PML: variants seen among roughly 807,000 people sequenced by gnomAD.
PML encodes protein PML.
PML carries 28 observed loss-of-function variants against 65.2 expected under a neutral mutation model. That is an observed-to-expected ratio of 0.43 (90% CI 0.32 to 0.59). The LOEUF (loss-of-function observed/expected upper bound fraction) is 0.59. Ranked by LOEUF, PML falls within the 20% of genes least tolerant of loss-of-function variation. The pLI, the probability that PML is intolerant of heterozygous loss-of-function variation, is 0.08. For synonymous variants in PML, 500 were observed against 508.8 expected (o/e 0.98, Z 0.23); for missense variants, 1,021 against 1,203.4 (o/e 0.85, Z 2.24).
At chr15:74,017,289 C>T (rs542034299) in intron 2 of PML, among the ~76,000 whole-genome samples, 3 of 152,188 alleles carry the variant, frequency 2.0e-5, no homozygotes, top group Admixed American at 6.5e-5. Flanking sequence ...ATTCCTGCCC[C>T]CTACCCTCCT....
intron 7 of PML, among the ~76,000 whole-genome samples, chr15:74,041,174 G>A (rs557643997): frequency 6.6e-6 from 1 of 152,362 alleles, no homozygotes; most frequent in African/African-American, 2.4e-5. Context: ...ATGTCAGTGG[G>A]TGGCAGCATG....
chr15:74,029,048 T>C (rs2141855172), intron 4 of PML, among the ~76,000 whole-genome samples: 1 of 152,366 alleles, frequency 6.6e-6, no homozygotes, highest in East Asian at 1.9e-4. Context: ...ATGGTAATTC[T>C]ATTTTTAATT....
At position 74,031,381 on chromosome 15, in the gene PML, C is replaced by T. The variant is rs149720734; in HGVS notation, c.1255-1191C>T. 5 of 325,648 alleles carry T rather than the reference C, an allele frequency of 1.5e-5. No homozygotes were observed. In the East Asian group the frequency reaches 4.0e-4, roughly 26 times the overall value. 20.2% of individuals were successfully genotyped at this position (325,648 alleles called of 1,614,324 possible). A position where few individuals can be genotyped will look rare whatever the true frequency, so the allele number is the denominator to read the frequency against. On this transcript the variant is annotated intron_variant, in intron 4 of 8. Coordinates refer to ENST00000268058, the MANE Select transcript of PML (RefSeq NM_033238.3). ...TGTCTGCCTCAGGGCTCAAGCGATTCTCATGCCTCAGCCTCCCAAGTAGCT... is the reference window on the plus strand; with the variant it reads ...TGTCTGCCTCAGGGCTCAAGCGATTTTCATGCCTCAGCCTCCCAAGTAGCT...
Position 74,047,063 on chromosome 15 carries a change from C to T in PML, c.*2055C>T, listed in dbSNP as rs370833832. 20 of 229,968 alleles carry T rather than the reference C, an allele frequency of 8.7e-5. No homozygotes were observed. The highest frequency in any genetic ancestry group is 5.6e-4 in the East Asian group (9 of 16,162). 14.2% of individuals were successfully genotyped at this position (229,968 alleles called of 1,614,324 possible). On this transcript the variant is annotated 3_prime_UTR_variant, in exon 9 of 9. Transcript: ENST00000268058. ...GTGCCATGTGGCAGGAAAGAAGCACCGATTTCAAGAATTACTTCCTAGAGA... is the reference window on the plus strand; with the variant it reads ...GTGCCATGTGGCAGGAAAGAAGCACTGATTTCAAGAATTACTTCCTAGAGA...
At chr15:73,995,412 C>T (rs1428325906) in intron 1 of PML, among the ~76,000 whole-genome samples, 1 of 152,240 alleles carries the variant, frequency 6.6e-6, no homozygotes, top group African/African-American at 2.4e-5. Context: ...GAAGAGGTAT[C>T]TTTGCCAAGG....
intron 2 of PML, among the ~76,000 whole-genome samples, chr15:74,009,398 C>A (rs1000684510): frequency 2.6e-5 from 4 of 152,158 alleles, no homozygotes; most frequent in Non-Finnish European, 4.4e-5. Flanking sequence ...ATTGGGATTG[C>A]TTCCTGGCCT....
At chr15:74,009,238 C>T (rs1303286678) in intron 2 of PML, among the ~76,000 whole-genome samples, 1 of 152,152 alleles carries the variant, frequency 6.6e-6, no homozygotes, top group Admixed American at 6.5e-5. Flanking sequence ...GCTGAAAGAG[C>T]TTGAATTATC....
At chr15:74,002,615 T>TG (rs2069830012) in intron 2 of PML, among the ~76,000 whole-genome samples, 1 of 149,986 alleles carries the variant, frequency 6.7e-6, no homozygotes, top group Admixed American at 6.6e-5. Context: ...GGCTAAGTTT[T>TG]TTTTTTTTTT....
intron 7 of PML, chr15:74,036,339 G>T (rs1388211657): frequency 7.1e-7 from 1 of 1,416,322 alleles, no homozygotes; most frequent in East Asian, 2.6e-5. Flanking sequence ...CACAGGGACT[G>T]GCTATCCCAA....
intron 2 of PML, among the ~76,000 whole-genome samples, chr15:74,003,152 G>T (rs904097468): frequency 2.6e-5 from 4 of 151,098 alleles, no homozygotes; most frequent in African/African-American, 9.7e-5. Context: ...AAAAAAAGTG[G>T]GCCAGGCGCA....
intron 7 of PML, among the ~76,000 whole-genome samples, chr15:74,040,940 A>G (rs1245379592): frequency 7.9e-5 from 12 of 152,352 alleles, no homozygotes; most frequent in African/African-American, 2.9e-4. Context: ...AGTGGCTGCC[A>G]TAAATGACCC....
rs767832272 is a variant in PML at position 74,043,775 on chromosome 15, G to T, written c.1862-446G>T. On this transcript the variant is annotated intron_variant, in intron 8 of 8. Coordinates refer to ENST00000268058, the MANE Select transcript of PML (RefSeq NM_033238.3). This position sits in a 1 kb window ranked among gnomAD's most constrained non-coding sequence, Gnocchi z 4.3. Reference sequence around the variant, plus strand: ...TGCAGACCTCAGTGGGAGGCTCTTGGCCTTGCTCTGAGTGGAGTGCTTTCT... The same window carrying T: ...TGCAGACCTCAGTGGGAGGCTCTTGTCCTTGCTCTGAGTGGAGTGCTTTCT... 1.9e-6 allele frequency: 1 copy of T among 532,698 alleles called. No individual in the cohort carries two copies. Among genetic ancestry groups the T allele is most frequent in the Non-Finnish European group, 3.7e-6 (1 of 269,304 alleles). 33.0% of individuals were successfully genotyped at this position (532,698 alleles called of 1,614,324 possible). A position where few individuals can be genotyped will look rare whatever the true frequency, so the allele number is the denominator to read the frequency against.
intron 7 of PML, among the ~76,000 whole-genome samples, chr15:74,040,714 TTTA>T (rs2071677348): frequency 6.6e-6 from 1 of 152,198 alleles, no homozygotes; most frequent in Non-Finnish European, 1.5e-5. Flanking sequence ...GTGGCCATAC[TTTA>T]TGGAAGTCCC....
intron 7 of PML, chr15:74,036,167 G>A: frequency 6.2e-7 from 1 of 1,602,880 alleles, no homozygotes; most frequent in Non-Finnish European, 8.5e-7. Context: ...GCATGGCTGA[G>A]ATTCAAGCCA....
chr15:74,001,874 C>T (rs2069777755), intron 2 of PML, among the ~76,000 whole-genome samples: 1 of 151,936 alleles, frequency 6.6e-6, no homozygotes, highest in Non-Finnish European at 1.5e-5. Flanking sequence ...GTCGGTGGTA[C>T]ATGCTTGTAG....
intron 7 of PML, among the ~76,000 whole-genome samples, chr15:74,040,414 A>G (rs1035042192): frequency 6.6e-6 from 1 of 151,876 alleles, no homozygotes; most frequent in African/African-American, 2.4e-5. Flanking sequence ...TTTTCCAGTG[A>G]CTGTCCCTCT....
At position 73,998,225 on chromosome 15, in the gene PML, G is replaced by A. The variant is rs755039717; in HGVS notation, c.351G>A (p.Ser117=). ...TCGAGAGTCTGCAGCGGCGCCTGTC[G>A]GTGTACCGGCAGATTGTGGATGCGC... ...VFFESLQRRL[S]VYRQIVDAQA... The change falls in exon 2 of 9, where the codon TCG becomes TCA. Residue 117 remains serine (S), a synonymous_variant. Coordinates refer to ENST00000268058, the MANE Select transcript of PML (RefSeq NM_033238.3). The A allele has an allele frequency of 4.3e-6, 7 of 1,614,194 alleles. No homozygotes were observed. Among genetic ancestry groups the A allele is most frequent in the Non-Finnish European group, 5.9e-6 (7 of 1,180,024 alleles).
rs1268130515 is a variant in PML, at chr15:74,046,627, A to T, written c.*1619A>T. ...CGCTGGTTCTGAAGCACCGATGGAA[A>T]CAGATTGATGCAGATGGAAGGAGGA... On this transcript the variant is annotated 3_prime_UTR_variant, in exon 9 of 9. Transcript: ENST00000268058. 8.6e-6 allele frequency: 2 copies of T among 232,768 alleles called. No homozygotes were observed. Among genetic ancestry groups the T allele is most frequent in the African/African-American group, 2.2e-5 (1 of 45,334 alleles). The allele number at this position is 232,768 out of a possible 1,614,324, so 14.4% of individuals were successfully genotyped here.
At position 74,037,805 on chromosome 15, in the gene PML, C is replaced by T; in HGVS notation, c.1710+3275C>T. On this transcript the variant is annotated intron_variant, in intron 7 of 8. Transcript: ENST00000268058. The surrounding 1 kb of genome is among the most constrained non-coding windows in gnomAD (Gnocchi z 4.2). ...TGCAGGTTTGCTGCTGGGCCCTTTC[C>T]TCTTTTCAGTCTGTGTATTCTCCCA... The T allele has an allele frequency of 1.3e-6, 1 of 759,820 alleles. No individual in the cohort carries two copies. The highest frequency in any genetic ancestry group is 1.6e-6 in the Non-Finnish European group (1 of 624,370). 47.1% of individuals were successfully genotyped at this position (759,820 alleles called of 1,614,324 possible).
Sources: allele counts gnomAD v4.1 joint callset (sites outside exome capture counted in the v4.1 genomes callset), GRCh38; gene constraint gnomAD v4.1.1; non-coding constraint Gnocchi (gnomAD v3.1); transcripts MANE v1.5; gene names NCBI Gene and HGNC (gene_info 2026-07-23, HGNC 2026-07-21).